MAP2K4: variants seen among roughly 807,000 people sequenced by gnomAD.
MAP2K4 encodes the protein dual specificity mitogen-activated protein kinase kinase 4.
A neutral mutation model predicts 48.5 loss-of-function variants in MAP2K4; 4 were observed. The ratio of observed to expected loss-of-function variants is 0.08; its 90% CI spans 0.04 to 0.19. The LOEUF is 0.19. Among genes scored for constraint, MAP2K4 ranks in the 10% least tolerant of loss-of-function variants. The pLI is 1.00. For missense variants in MAP2K4, 258 were observed against 493.3 expected (o/e 0.52, Z 4.52); for synonymous variants, 166 against 173.1 (o/e 0.96, Z 0.32).
At chr17:12,134,672 G>C (rs1218495318) in intron 9 of MAP2K4, among the ~76,000 whole-genome samples, 1 of 150,254 alleles carries the variant, frequency 6.7e-6, no homozygotes, top group African/African-American at 2.4e-5. Flanking sequence ...AATTAAACAA[G>C]AGAGTAGAGG....
At chr17:12,026,590 G>A (rs921255599) in intron 1 of MAP2K4, among the ~76,000 whole-genome samples, 13 of 152,302 alleles carry the variant, frequency 8.5e-5, no homozygotes, top group Admixed American at 4.6e-4. Flanking sequence ...ATTTGTTCCG[G>A]AAGAGGTAGG....
intron 1 of MAP2K4, among the ~76,000 whole-genome samples, chr17:12,027,164 A>G (rs1455112791): frequency 6.6e-6 from 1 of 152,136 alleles, no homozygotes; most frequent in African/African-American, 2.4e-5. Flanking sequence ...TAAGGTTGGG[A>G]GTTTAATGTG....
intron 7 of MAP2K4, among the ~76,000 whole-genome samples, chr17:12,117,203 C>T (rs1161724436): frequency 6.6e-6 from 1 of 152,072 alleles, no homozygotes; most frequent in Non-Finnish European, 1.5e-5. Flanking sequence ...TACATAACCA[C>T]GATATCATTA....
rs532803153 is a variant in MAP2K4 at position 12,025,550 on chromosome 17, T to C, written c.115+4549T>C. Among the ~76,000 whole-genome samples the C allele has an allele frequency of 1.9e-3, 284 of 152,348 alleles. 4 individuals are homozygous for C. The highest frequency in any genetic ancestry group is 6.2e-3 in the African/African-American group (258 of 41,584). On this transcript the variant is annotated intron_variant, in intron 1 of 10. Transcript: ENST00000353533. ...AAACATTGAGCCATTTGTAAAATAC[T>C]TGTTACAAGAAATAGTTAGAAAGTA...
intron 2 of MAP2K4, among the ~76,000 whole-genome samples, chr17:12,055,785 T>C (rs1189894648): frequency 1.3e-5 from 2 of 152,106 alleles, no homozygotes; most frequent in Non-Finnish European, 2.9e-5. Context: ...AGGTAGTGTC[T>C]TGCAAAAGAG....
chr17:12,087,148 A>T (rs1971394962), intron 3 of MAP2K4, among the ~76,000 whole-genome samples: 1 of 152,134 alleles, frequency 6.6e-6, no homozygotes, highest in African/African-American at 2.4e-5. Context: ...ACGCCCAGCC[A>T]AAAACCTGTC....
chr17:12,056,319 A>G (rs900107934), intron 2 of MAP2K4, among the ~76,000 whole-genome samples: 1 of 145,794 alleles, frequency 6.9e-6, no homozygotes, highest in Non-Finnish European at 1.6e-5. Context: ...ACATTCATCT[A>G]TTTGTACTGT....
chr17:12,053,601 C>CA (rs1970205237), intron 1 of MAP2K4, among the ~76,000 whole-genome samples: 2 of 151,870 alleles, frequency 1.3e-5, no homozygotes, highest in South Asian at 4.2e-4. Context: ...ACCCTTTGCA[C>CA]ATGTTGTTTG....
intron 1 of MAP2K4, among the ~76,000 whole-genome samples, chr17:12,050,131 G>A (rs1402737448): frequency 6.6e-6 from 1 of 152,136 alleles, no homozygotes; most frequent in East Asian, 1.9e-4. Context: ...AGTGATTGTA[G>A]TTCTCTGATT....
intron 1 of MAP2K4, among the ~76,000 whole-genome samples, chr17:12,035,119 T>G (rs555397389): frequency 6.6e-6 from 1 of 152,218 alleles, no homozygotes; most frequent in Non-Finnish European, 1.5e-5. Flanking sequence ...TTTGCATGAC[T>G]TAAAAAATTA....
chr17:12,095,433 T>C (rs1214048118), intron 3 of MAP2K4, 142 bp from the exon 4 acceptor site: 2 of 842,260 alleles, frequency 2.4e-6, no homozygotes, highest in Non-Finnish European at 3.9e-6. Flanking sequence ...TAAGGAAAGA[T>C]GATAATTTTC....
chr17:12,102,432 AT>A (rs2151567945), intron 4 of MAP2K4, among the ~76,000 whole-genome samples: 1 of 152,220 alleles, frequency 6.6e-6, no homozygotes, highest in South Asian at 2.1e-4. Context: ...AATTTAGCTA[AT>A]TTGCTAAAAT....
At chr17:12,054,498 C>T (rs976574000) in intron 1 of MAP2K4, among the ~76,000 whole-genome samples, 12 of 151,906 alleles carry the variant, frequency 7.9e-5, no homozygotes, top group Admixed American at 2.6e-4. Flanking sequence ...TGAGGGAAAA[C>T]GATATTTATT....
In MAP2K4 at chr17:12,141,501, CAT is replaced by C. The variant is rs1283547066; in HGVS notation, c.*244_*245del. ...CCTCATCCTGCTCTTTTGTGATGAA[CAT>C]ATTCATGAAATGTGGAAGTCAGTAC... On this transcript the variant is annotated 3_prime_UTR_variant, in exon 11 of 11. Coordinates refer to ENST00000353533, the MANE Select transcript of MAP2K4 (RefSeq NM_003010.4). 6 of 502,118 alleles carry C rather than the reference CAT, an allele frequency of 1.2e-5. No homozygotes were observed. The East Asian group carries it at 1.9e-4, about 16-fold the overall frequency. 31.1% of individuals were successfully genotyped at this position (502,118 alleles called of 1,614,324 possible).
At chr17:12,024,990 T>C (rs1345907755) in intron 1 of MAP2K4, among the ~76,000 whole-genome samples, 1 of 152,220 alleles carries the variant, frequency 6.6e-6, no homozygotes, top group Admixed American at 6.5e-5. Context: ...TGTTAGAGAA[T>C]AGCATATTCT....
chr17:12,140,254 A>G (rs576989052), intron 10 of MAP2K4, among the ~76,000 whole-genome samples: 1 of 152,278 alleles, frequency 6.6e-6, no homozygotes, highest in East Asian at 1.9e-4. Context: ...ATGCAAATTT[A>G]CGTCATATAG....
At chr17:12,140,966 C>T (rs1042903960) in intron 10 of MAP2K4, among the ~76,000 whole-genome samples, 181 bp from the exon 11 acceptor site, 13 of 152,130 alleles carry the variant, frequency 8.5e-5, no homozygotes, top group East Asian at 1.9e-4. Flanking sequence ...CATGCCCATG[C>T]CCATTAGCAT....
In MAP2K4 at chr17:12,081,220, A is replaced by G; in HGVS notation, c.219-136A>G. The G allele has an allele frequency of 1.7e-6, 1 of 604,422 alleles. No individual in the cohort carries two copies. The highest frequency in any genetic ancestry group is 2.8e-6 in the Non-Finnish European group (1 of 361,334). 37.4% of individuals were successfully genotyped at this position (604,422 alleles called of 1,614,324 possible). A position where few individuals can be genotyped will look rare whatever the true frequency, so the allele number is the denominator to read the frequency against. ...GTAAAAAACCAGGATGACACAAATGAAAAACTTCAAAAACCTGGAGGTCAG... is the reference window on the plus strand; with the variant it reads ...GTAAAAAACCAGGATGACACAAATGGAAAACTTCAAAAACCTGGAGGTCAG... On this transcript the variant is annotated intron_variant, in intron 2 of 10. Coordinates refer to ENST00000353533, the MANE Select transcript of MAP2K4 (RefSeq NM_003010.4). This position sits in a 1 kb window ranked among gnomAD's most constrained non-coding sequence, Gnocchi z 4.2.
In MAP2K4 at chr17:12,136,584, G is replaced by T. The variant is rs78355554; in HGVS notation, c.1041-3255G>T. On this transcript the variant is annotated intron_variant, in intron 9 of 10. Transcript: ENST00000353533. ...GAAATGCATTTTTTATTGGAATTAAGTTTGCTAACGGCTACCTTATTAGAT... is the reference window on the plus strand; with the variant it reads ...GAAATGCATTTTTTATTGGAATTAATTTTGCTAACGGCTACCTTATTAGAT... Among the ~76,000 whole-genome samples, 948 of 152,288 alleles carry T rather than the reference G, an allele frequency of 6.2e-3. 2 individuals are homozygous for T. The highest frequency in any genetic ancestry group is 0.036 in the East Asian group (188 of 5,182).
Sources: gnomAD v4.1 joint callset for allele counts (sites outside exome capture counted in the v4.1 genomes callset) on GRCh38, gnomAD v4.1.1 for gene constraint, Gnocchi (gnomAD v3.1) non-coding constraint, MANE v1.5 for transcripts, NCBI Gene and HGNC (gene_info 2026-07-23, HGNC 2026-07-21) for gene names.